ANO7: variants seen among roughly 807,000 people sequenced by gnomAD.
The protein encoded by ANO7 is anoctamin-7.
Under a neutral mutation model 115.8 loss-of-function variants are expected in ANO7, and 114 were observed. The ratio of observed to expected loss-of-function variants is 0.98; its 90% CI spans 0.85 to 1.15. The LOEUF is 1.15. Ranked by LOEUF, ANO7 falls within the 50% of genes most tolerant of loss-of-function variation. ANO7 has a pLI of 0.00. For synonymous variants in ANO7, 550 were observed against 498.2 expected (o/e 1.10, Z -1.38); for missense variants, 1,302 against 1,201.2 (o/e 1.08, Z -1.24).
the ANO7 span, chr2:241,240,255 T>TA: frequency 2.4e-6 from 2 of 826,132 alleles, no homozygotes; most frequent in Non-Finnish European, 4.1e-6. The surrounding 1 kb of genome is among the most constrained non-coding windows in gnomAD (Gnocchi z 5.5). Context: ...GTTGCACCAA[T>TA]ACCCCCAAAA....
At chr2:241,230,161 C>T, downstream of ANO7, 2 of 1,612,596 alleles carry the variant, frequency 1.2e-6, no homozygotes, top group Non-Finnish European at 1.7e-6. The surrounding 1 kb of genome is among the most constrained non-coding windows in gnomAD (Gnocchi z 5.0). Flanking sequence ...ACGTATTCCT[C>T]CTCCAGATTG....
At chr2:241,223,422 C>T (rs773673370) in intron 22 of ANO7, 146 bp downstream of exon 22, 23 of 1,094,232 alleles carry the variant, frequency 2.1e-5, no homozygotes, top group Admixed American at 1.8e-4. Context: ...TCTGCACCTG[C>T]GTTTTCCCTG....
the ANO7 span, chr2:241,239,791 C>T: frequency 6.2e-6 from 10 of 1,613,948 alleles, no homozygotes; most frequent in Admixed American, 1.5e-4. This position sits in a 1 kb window ranked among gnomAD's most constrained non-coding sequence, Gnocchi z 4.6. Flanking sequence ...GCTTGGGGTC[C>T]ACCAGCATGG....
At chr2:241,236,696 G>A in the ANO7 span, 3 of 1,614,098 alleles carry the variant, frequency 1.9e-6, no homozygotes, top group Non-Finnish European at 1.7e-6. Context: ...GAGAGCCGGG[G>A]TCACAATCTT....
In ANO7 at chr2:241,209,491, C is replaced by T. The variant is rs1200656407; in HGVS notation, c.1222-7C>T. 5.0e-6 allele frequency: 8 copies of T among 1,596,950 alleles called. No homozygotes were observed. In the Admixed American group the frequency reaches 1.0e-4, roughly 20 times the overall value. On this transcript the variant is annotated splice_polypyrimidine_tract_variant and splice_region_variant and intron_variant, in intron 12 of 24. Transcript: ENST00000674324. ...AGGGCCGCCACTGAGCACCGGCTCC[C>T]TTCCAGGAGAGGCCTCGGCCCCAGT...
the ANO7 span, among the ~76,000 whole-genome samples, chr2:241,232,481 G>C: frequency 6.6e-6 from 1 of 152,254 alleles, no homozygotes; most frequent in African/African-American, 2.4e-5. Context: ...TCGCCATGTT[G>C]GTCAGGTTGG....
downstream of ANO7, chr2:241,227,694 G>A (rs933371811): frequency 6.6e-6 from 1 of 152,616 alleles, no homozygotes; most frequent in Non-Finnish European, 1.5e-5. Context: ...GTAGGGGCAG[G>A]ATGTTTTATG....
rs752525852 is a variant in ANO7 at position 241,204,953 on chromosome 2, C to A, written c.978C>A (p.Pro326=). 1 of 1,613,866 alleles carries A rather than the reference C, an allele frequency of 6.2e-7. No individual in the cohort carries two copies. Among genetic ancestry groups the A allele is most frequent in the Non-Finnish European group, 8.5e-7 (1 of 1,179,802 alleles). Residue 326 remains proline (P), a splice_region_variant and synonymous_variant, in exon 10 of 25, where the codon CCC becomes CCA. Coordinates refer to ENST00000674324, the MANE Select transcript of ANO7 (RefSeq NM_001370694.2). ...GCTTCCTGGTGTTCTCAGACATACC[C>A]ACGTGAGTGTTCCCTCTCCGCAGCT... is the stretch of plus-strand genomic sequence containing the variant. The part of the protein sequence containing the change: ...VGCFLVFSDI[P]TQELCGSKDS...
At chr2:241,237,310 G>A in the ANO7 span, among the ~76,000 whole-genome samples, 2 of 152,208 alleles carry the variant, frequency 1.3e-5, no homozygotes, top group Admixed American at 6.5e-5. Flanking sequence ...GAGAGCCCCA[G>A]AAGTGAAGAG....
chr2:241,212,622 AG>A lies in ANO7; in HGVS notation c.1726del (p.Glu576SerfsTer8). 6.2e-7 allele frequency: 1 copy of A among 1,612,630 alleles called. No homozygotes were observed. The highest frequency in any genetic ancestry group is 8.5e-7 in the Non-Finnish European group (1 of 1,179,330). On this transcript the variant is annotated frameshift_variant, in exon 17 of 25. Transcript: ENST00000674324. LOFTEE classifies it high-confidence loss of function. ...CACACCTTGTTTGGAGTCCGCAATG[AG>A]GAGGTGAGTGTGCCTGAGGCCCGGG... ...NYHTLFGVRN[E>X]ECAAGGCLIE...
chr2:241,195,463 G>C (rs2068303143), intron 3 of ANO7, among the ~76,000 whole-genome samples: 1 of 152,182 alleles, frequency 6.6e-6, no homozygotes, highest in African/African-American at 2.4e-5. Context: ...GCCATACCCA[G>C]CCCCTCTCCA....
intron 15 of ANO7, among the ~76,000 whole-genome samples, chr2:241,210,897 T>G (rs537717108): frequency 6.7e-6 from 1 of 149,330 alleles, no homozygotes; most frequent in Non-Finnish European, 1.5e-5. Context: ...CTCGAGCTCC[T>G]GGCCTCAAGG....
At chr2:241,223,470 G>C (rs2069076480) in intron 22 of ANO7, 192 bp from the exon 23 acceptor site, 1 of 1,044,068 alleles carries the variant, frequency 9.6e-7, no homozygotes, top group South Asian at 1.5e-5. Context: ...GGACATTGTG[G>C]GTGTCTCCAC....
At chr2:241,196,823 T>G (rs2068343820) in intron 4 of ANO7, among the ~76,000 whole-genome samples, 1 of 148,692 alleles carries the variant, frequency 6.7e-6, no homozygotes, top group African/African-American at 2.5e-5. Flanking sequence ...GAAAATCAGC[T>G]ACTGTCAATT....
chr2:241,210,834 AT>A (rs142419766), intron 15 of ANO7, among the ~76,000 whole-genome samples: 36,423 of 145,832 alleles, frequency 0.25, 5,062 homozygotes, highest in East Asian at 0.41. Context: ...CCCAGCTGAA[AT>A]TTTTTTTTTT....
At chr2:241,204,733 C>T (rs1314800573) in intron 9 of ANO7, 132 bp from the exon 10 acceptor site, 3 of 647,786 alleles carry the variant, frequency 4.6e-6, no homozygotes, top group Non-Finnish European at 8.1e-6. Flanking sequence ...CTCTTGGCCT[C>T]CTCACATAGG....
chr2:241,190,776 G>A (rs530446637), intron 2 of ANO7, among the ~76,000 whole-genome samples: 14 of 152,342 alleles, frequency 9.2e-5, no homozygotes, highest in Admixed American at 4.6e-4. Context: ...AGACACTCTC[G>A]GTCGCCATGG....
At chr2:241,207,166 G>T (rs76002070) in intron 10 of ANO7, among the ~76,000 whole-genome samples, 203 of 13,632 alleles carry the variant, frequency 0.015, 1 homozygote, top group Non-Finnish European at 0.021. Flanking sequence ...GTGCTCCCAG[G>T]CTGACACAGG....
At position 241,197,131 on chromosome 2, in the gene ANO7, G is replaced by A. The variant is rs148526825; in HGVS notation, c.309+1286G>A. Among the ~76,000 whole-genome samples, 1,092 of 152,218 alleles carry A rather than the reference G, an allele frequency of 7.2e-3. 13 individuals carry two copies. Among genetic ancestry groups the A allele is most frequent in the African/African-American group, 0.025 (1,043 of 41,534 alleles). On this transcript the variant is annotated intron_variant, in intron 4 of 24. Coordinates refer to ENST00000674324, the MANE Select transcript of ANO7 (RefSeq NM_001370694.2). ...TTGTTTGTTTTTGAGAGAGAGTCTCGCTCTGTTGCCCAGGCTGGAGTGCAA... is the reference window on the plus strand; with the variant it reads ...TTGTTTGTTTTTGAGAGAGAGTCTCACTCTGTTGCCCAGGCTGGAGTGCAA...
Sources: gnomAD v4.1 joint callset for allele counts (sites outside exome capture counted in the v4.1 genomes callset) on GRCh38, gnomAD v4.1.1 for gene constraint, Gnocchi (gnomAD v3.1) non-coding constraint, MANE v1.5 for transcripts, NCBI Gene and HGNC (gene_info 2026-07-23, HGNC 2026-07-21) for gene names.